KIF15: variants seen among roughly 807,000 people sequenced by gnomAD.
KIF15 encodes kinesin family member 15.
A neutral mutation model predicts 190.6 loss-of-function variants in KIF15; 140 were observed. The ratio of observed to expected loss-of-function variants is 0.73; its 90% CI spans 0.64 to 0.84. The LOEUF is 0.84. KIF15 is among the 40% of genes least tolerant of loss of function. KIF15 has a pLI of 0.00. For synonymous variants in KIF15, 528 were observed against 551.3 expected, an observed-to-expected ratio of 0.96 and a Z score of 0.59; for missense variants, 1,372 against 1,584.4, an observed-to-expected ratio of 0.87 and a Z score of 2.28.
Position 44,852,317 on chromosome 3 carries a change from A to T in KIF15, c.4082A>T (p.Lys1361Met), listed in dbSNP as rs374224536. 10 of 1,611,110 alleles carry T rather than the reference A, an allele frequency of 6.2e-6. No homozygotes were observed. The highest frequency in any genetic ancestry group is 3.3e-5 in the Admixed American group (2 of 59,766). Residue 1361 changes from lysine (K) to methionine (M), a missense_variant, in exon 34 of 35, where the codon AAG (lysine) becomes ATG (methionine). Lys to Met is a moderately conservative substitution (Grantham distance 95). Transcript: ENST00000326047. Reference protein sequence around the residue: ...QKIQYVVRLKKENVRLAEETE... With the variant: ...QKIQYVVRLKMENVRLAEETE... ...ATTCAGTACGTAGTGCGACTAAAGAAGGAAAATGTCAGGCTTGCTGAGGTA... is the reference window on the plus strand; with the variant it reads ...ATTCAGTACGTAGTGCGACTAAAGATGGAAAATGTCAGGCTTGCTGAGGTA...
chr3:44,789,299 A>AT (rs576950504), intron 7 of KIF15, among the ~76,000 whole-genome samples: 135 of 114,568 alleles, frequency 1.2e-3, no homozygotes, highest in African/African-American at 4.2e-3. Flanking sequence ...TTCTACTATA[A>AT]TTTTTTTTGA....
chr3:44,816,412 G>A (rs1708033743), intron 20 of KIF15, among the ~76,000 whole-genome samples: 1 of 148,880 alleles, frequency 6.7e-6, no homozygotes, highest in South Asian at 2.1e-4. Flanking sequence ...CCCTTGACAG[G>A]CCCCAGTGTG....
chr3:44,803,220 ATTGTAT>A (rs1435465963), intron 14 of KIF15, among the ~76,000 whole-genome samples: 1 of 152,216 alleles, frequency 6.6e-6, no homozygotes, highest in Non-Finnish European at 1.5e-5. Flanking sequence ...GAAAATACTC[ATTGTAT>A]TTGTTTTATT....
Position 44,786,427 on chromosome 3 carries a change from T to A in KIF15, c.492T>A (p.Cys164Ter). The change falls in exon 7 of 35, where the codon TGT (cysteine) becomes TGA (stop). Residue 164 changes from cysteine to a stop codon, truncating the protein, a stop_gained. Transcript: ENST00000326047. LOFTEE classifies it high-confidence loss of function. ...CTGGAAAGAGTTTCCTTTGTAAGTGTTCCTTTATTGAAATCTACAACGAGC... is the reference window on the plus strand; with the variant it reads ...CTGGAAAGAGTTTCCTTTGTAAGTGATCCTTTATTGAAATCTACAACGAGC... ...AGAGKSFLCKCSFIEIYNEQI... is the reference protein window; with the variant it reads ...AGAGKSFLCK 6.2e-7 allele frequency: 1 copy of A among 1,610,928 alleles called. No individual in the cohort carries two copies. Among genetic ancestry groups the A allele is most frequent in the Non-Finnish European group, 8.5e-7 (1 of 1,177,860 alleles).
rs2125732522 is a variant in KIF15 at position 44,851,720 on chromosome 3, T to C, written c.3807-67T>C. The C allele has an allele frequency of 2.2e-6, 3 of 1,359,662 alleles. No individual in the cohort carries two copies. The East Asian group carries it at 7.0e-5, about 32-fold the overall frequency. The allele number at this position is 1,359,662 out of a possible 1,614,324, so 84.2% of individuals were successfully genotyped here. On this transcript the variant is annotated intron_variant, in intron 32 of 34. Transcript: ENST00000326047. ...ATTCTGGCCTTGCAGTACACATGTC[T>C]AACTTGAGCACTGTTTTATGATTAT...
chr3:44,826,009 T>C, intron 20 of KIF15, 30 bp from the exon 21 acceptor site: 1 of 1,543,452 alleles, frequency 6.5e-7, no homozygotes, highest in East Asian at 2.3e-5. Context: ...AATGTTTATT[T>C]ACCATTTTTA....
chr3:44,777,276 G>C (rs1216048667), intron 3 of KIF15, among the ~76,000 whole-genome samples: 1 of 152,062 alleles, frequency 6.6e-6, no homozygotes, highest in Non-Finnish European at 1.5e-5. Context: ...AGGATTACAG[G>C]TGTGAGCCAC....
intron 6 of KIF15, among the ~76,000 whole-genome samples, chr3:44,868,185 A>G (rs945988053): frequency 4.6e-5 from 7 of 152,332 alleles, no homozygotes; most frequent in African/African-American, 1.4e-4. Flanking sequence ...TGTTGTGGAC[A>G]TTTCATATAA....
intron 8 of KIF15, among the ~76,000 whole-genome samples, 166 bp from the exon 9 acceptor site, chr3:44,797,385 A>G (rs1707039033): frequency 6.6e-6 from 1 of 152,202 alleles, no homozygotes; most frequent in Non-Finnish European, 1.5e-5. Flanking sequence ...AAGGTTAGGG[A>G]TAGTTCAGCA....
chr3:44,827,317 C>G, intron 22 of KIF15, 142 bp from the exon 23 acceptor site: 1 of 598,540 alleles, frequency 1.7e-6, no homozygotes, highest in Non-Finnish European at 3.0e-6. Flanking sequence ...GTTCAAATTT[C>G]TGATCCCCCC....
chr3:44,858,820 A>T (rs1253892325), intron 6 of KIF15, among the ~76,000 whole-genome samples: 1 of 152,152 alleles, frequency 6.6e-6, no homozygotes. Context: ...GATAATGTGG[A>T]GTTGGTAGCC....
At chr3:44,842,759 G>A (rs1308010611) in intron 29 of KIF15, among the ~76,000 whole-genome samples, 1 of 152,212 alleles carries the variant, frequency 6.6e-6, no homozygotes, top group Non-Finnish European at 1.5e-5. Context: ...TATTTTGAGG[G>A]ATGAGCTGTG....
chr3:44,844,130 C>T (rs910436032), intron 30 of KIF15, among the ~76,000 whole-genome samples: 12 of 152,060 alleles, frequency 7.9e-5, no homozygotes, highest in Non-Finnish European at 1.3e-4. Context: ...GCTGTCCATG[C>T]TGTTGCCACA....
At position 44,775,272 on chromosome 3, in the gene KIF15, C is replaced by CA; in HGVS notation, c.84dup (p.Val29SerfsTer16). On this transcript the variant is annotated frameshift_variant, in exon 3 of 35. Coordinates refer to ENST00000326047, the MANE Select transcript of KIF15 (RefSeq NM_020242.3). LOFTEE classifies it high-confidence loss of function. ...TCTTTAGTAATGAAGGTGATGCCATCAAAGTTTTTGTGCGAATTCGTCCTC... is the reference window on the plus strand; with the variant it reads ...TCTTTAGTAATGAAGGTGATGCCATCAAAAGTTTTTGTGCGAATTCGTCCTC... 1 of 1,613,366 alleles carries CA rather than the reference C, an allele frequency of 6.2e-7. No individual in the cohort carries two copies. Among genetic ancestry groups the CA allele is most frequent in the Non-Finnish European group, 8.5e-7 (1 of 1,179,734 alleles).
chr3:44,783,212 T>C (rs1358687464), intron 5 of KIF15, among the ~76,000 whole-genome samples: 1 of 152,190 alleles, frequency 6.6e-6, no homozygotes, highest in Non-Finnish European at 1.5e-5. Flanking sequence ...AAAAGAGGTT[T>C]ACTTGGCTCA....
chr3:44,853,074 T>G lies in KIF15; in HGVS notation c.*339T>G, dbSNP rs1384840807. 6.0e-6 allele frequency: 1 copy of G among 166,740 alleles called. No individual in the cohort carries two copies. Among genetic ancestry groups the G allele is most frequent in the African/African-American group, 2.4e-5 (1 of 42,024 alleles). 10.3% of individuals were successfully genotyped at this position (166,740 alleles called of 1,614,324 possible). A position where few individuals can be genotyped will look rare whatever the true frequency, so the allele number is the denominator to read the frequency against. ...TCTTAGATTATGCCATAATCTCCTT[T>G]GATTCTTATGGAAGTTCTAACAATA... On this transcript the variant is annotated 3_prime_UTR_variant, in exon 35 of 35. Transcript: ENST00000326047.
chr3:44,773,400 G>T (rs1705728584), intron 1 of KIF15, among the ~76,000 whole-genome samples: 2 of 152,266 alleles, frequency 1.3e-5, no homozygotes, highest in South Asian at 4.1e-4. Context: ...AGCCAAGTGG[G>T]GCCCTTGGGC....
chr3:44,854,893 C>T (rs2125735450), downstream of KIF15, among the ~76,000 whole-genome samples: 1 of 152,314 alleles, frequency 6.6e-6, no homozygotes, highest in South Asian at 2.1e-4. Context: ...AGGATCTCAT[C>T]TTAATTTGAT....
intron 10 of KIF15, chr3:44,799,379 A>G (rs907070641): frequency 1.8e-5 from 8 of 456,132 alleles, no homozygotes; most frequent in Non-Finnish European, 3.1e-5. Flanking sequence ...CCGTGAGCAA[A>G]TTGGGCTTAC....
Sources: allele counts gnomAD v4.1 joint callset (sites outside exome capture counted in the v4.1 genomes callset), GRCh38; gene constraint gnomAD v4.1.1; transcripts MANE v1.5; gene names NCBI Gene and HGNC (gene_info 2026-07-23, HGNC 2026-07-21).